Variants in PKP4 observed in about 807,000 individuals in gnomAD.
The protein encoded by PKP4 is plakophilin-4.
Under a neutral mutation model 145.1 loss-of-function variants are expected in PKP4, and 90 were observed. The ratio of observed to expected loss-of-function variants is 0.62; its 90% CI spans 0.52 to 0.74. PKP4 has a LOEUF of 0.74. Among genes scored for constraint, PKP4 ranks in the 30% least tolerant of loss-of-function variants. The pLI is 0.00. For missense variants in PKP4, 1,340 were observed against 1,482.7 expected (o/e 0.90, Z 1.58); for synonymous variants, 563 against 577.2 (o/e 0.98, Z 0.35).
At chr2:158,621,158 T>A (rs763088533) in intron 5 of PKP4, 37 bp downstream of exon 5, 1 of 1,613,756 alleles carries the variant, frequency 6.2e-7, no homozygotes, top group Non-Finnish European at 8.5e-7. Flanking sequence ...GGATTTGCTT[T>A]TAAGATTTTA....
intron 1 of PKP4, among the ~76,000 whole-genome samples, chr2:158,517,999 C>G (rs1256632779): frequency 6.6e-6 from 1 of 152,006 alleles, no homozygotes; most frequent in East Asian, 1.9e-4. Context: ...TTTCTGTATC[C>G]CCGTCATCTA....
chr2:158,547,531 C>G (rs554137639), intron 2 of PKP4, among the ~76,000 whole-genome samples: 1 of 152,268 alleles, frequency 6.6e-6, no homozygotes, highest in African/African-American at 2.4e-5. Context: ...TGCAAAGAAG[C>G]TAAGGCAATT....
In PKP4 at chr2:158,663,407, G is replaced by A. The variant is rs777874014; in HGVS notation, c.2539G>A (p.Ala847Thr). ...CAACCCAGCCACCTTGGAAGGCTCT[G>A]CAGGGTCTCTCCAGAACCTCTCTGC... is the stretch of plus-strand genomic sequence containing the variant. ...SSNPATLEGS[A>T]GSLQNLSAGN... The change falls in exon 15 of 22, where the codon GCA (alanine) becomes ACA (threonine). Residue 847 changes from alanine to threonine, a missense_variant. Transcript: ENST00000389759. The A allele has an allele frequency of 6.2e-7, 1 of 1,614,138 alleles. No individual in the cohort carries two copies. Among genetic ancestry groups the A allele is most frequent in the Non-Finnish European group, 8.5e-7 (1 of 1,180,010 alleles).
At chr2:158,485,123 C>A (rs979947964) in intron 1 of PKP4, among the ~76,000 whole-genome samples, 1 of 152,112 alleles carries the variant, frequency 6.6e-6, no homozygotes, top group East Asian at 1.9e-4. Context: ...CTTTTGTGGC[C>A]CACCCTTCTC....
Position 158,603,475 on chromosome 2 carries a change from C to T in PKP4, c.280+371C>T, listed in dbSNP as rs544759604. Among the ~76,000 whole-genome samples the T allele has an allele frequency of 3.9e-5, 6 of 151,944 alleles. No individual in the cohort carries two copies. The South Asian group carries it at 8.4e-4, about 21-fold the overall frequency. On this transcript the variant is annotated intron_variant, in intron 4 of 21. Coordinates refer to ENST00000389759, the MANE Select transcript of PKP4 (RefSeq NM_003628.6). ...GTGTTTATCATACTCAGAGAAAAGT[C>T]GCTTGAAGTTTTCATTTTTTTAATG...
chr2:158,583,201 C>T (rs777484909), intron 3 of PKP4, among the ~76,000 whole-genome samples: 1 of 152,148 alleles, frequency 6.6e-6, no homozygotes, highest in Non-Finnish European at 1.5e-5. Context: ...CCTGCAATAT[C>T]ATTGATGGGG....
chr2:158,656,897 G>A (rs1400243933), intron 11 of PKP4, among the ~76,000 whole-genome samples: 1 of 152,182 alleles, frequency 6.6e-6, no homozygotes, highest in Non-Finnish European at 1.5e-5. Context: ...CTGAGCAGGT[G>A]GTGTCCAGGC....
rs534843106 is a variant in PKP4 at position 158,672,577 on chromosome 2, C to T, written c.2925-1100C>T. Among the ~76,000 whole-genome samples, 5 of 152,296 alleles carry T rather than the reference C, an allele frequency of 3.3e-5. No homozygotes were observed. In the South Asian group the frequency reaches 1.0e-3, roughly 32 times the overall value. On this transcript the variant is annotated intron_variant, in intron 17 of 21. Transcript: ENST00000389759. Reference sequence around the variant, plus strand: ...GGCTATGTGGGGCAAGTGCCCTGCTCCCCCAAATCTGTCTTCCAGAGGCTG... The same window carrying T: ...GGCTATGTGGGGCAAGTGCCCTGCTTCCCCAAATCTGTCTTCCAGAGGCTG...
At chr2:158,640,786 T>A in intron 10 of PKP4, 27 bp downstream of exon 10, 1 of 1,613,136 alleles carries the variant, frequency 6.2e-7, no homozygotes, top group Non-Finnish European at 8.5e-7. Context: ...CTGGGATGAC[T>A]GGGGAAAATA....
chr2:158,673,909 T>C lies in PKP4; in HGVS notation c.3036T>C (p.Ile1012=). 6.2e-7 allele frequency: 1 copy of C among 1,612,320 alleles called. No individual in the cohort carries two copies. Among genetic ancestry groups the C allele is most frequent in the African/African-American group, 1.3e-5 (1 of 75,006 alleles). Residue 1012 remains isoleucine (I), a synonymous_variant, in exon 19 of 22, where the codon ATT becomes ATC. Coordinates refer to ENST00000389759, the MANE Select transcript of PKP4 (RefSeq NM_003628.6). ...KKDGWNQNHF[I]TPVSTLERDR... ...ATGGGTGGAATCAGAACCATTTTAT[T>C]ACACCTGTGTCGACATTGGAGCGAG...
chr2:158,615,290 T>C (rs1265570140), intron 4 of PKP4, among the ~76,000 whole-genome samples: 2 of 152,106 alleles, frequency 1.3e-5, no homozygotes, highest in Non-Finnish European at 1.5e-5. Context: ...AGCTGACTTT[T>C]TATATCACAA....
chr2:158,486,397 G>T lies in PKP4; in HGVS notation c.-6+29179G>T, dbSNP rs946184393. Among the ~76,000 whole-genome samples, 13 of 152,144 alleles carry T rather than the reference G, an allele frequency of 8.5e-5. 2 individuals are homozygous for T. The highest frequency in any genetic ancestry group is 6.5e-4 in the Admixed American group (10 of 15,270). Reference sequence around the variant, plus strand: ...TTTTCCACTGTATCAAATTTAATGGGTTTTGGGAAAACGTATAGTTTGGTA... The same window carrying T: ...TTTTCCACTGTATCAAATTTAATGGTTTTTGGGAAAACGTATAGTTTGGTA... On this transcript the variant is annotated intron_variant, in intron 1 of 21. Coordinates refer to ENST00000389759, the MANE Select transcript of PKP4 (RefSeq NM_003628.6).
chr2:158,580,344 G>C (rs1462670375), intron 3 of PKP4, among the ~76,000 whole-genome samples: 1 of 152,164 alleles, frequency 6.6e-6, no homozygotes, highest in Non-Finnish European at 1.5e-5. Context: ...CACCACCAGT[G>C]AATGTCGGGT....
In PKP4 at chr2:158,663,362, A is replaced by G. The variant is rs1400123709; in HGVS notation, c.2494A>G (p.Thr832Ala). ...CCCATCGGTGGTAAAACCATATCTG[A>G]CTCTTCTAGCAGAAAGTTCCAACCC... ...WHPSVVKPYL[T>A]LLAESSNPAT... Residue 832 changes from threonine (T) to alanine (A), a missense_variant, in exon 15 of 22, where the codon ACT becomes GCT. Thr to Ala is a moderately conservative substitution (Grantham distance 58, BLOSUM62 0). Transcript: ENST00000389759. The G allele has an allele frequency of 6.2e-7, 1 of 1,613,896 alleles. No individual in the cohort carries two copies. The highest frequency in any genetic ancestry group is 1.7e-5 in the Admixed American group (1 of 60,020).
intron 2 of PKP4, among the ~76,000 whole-genome samples, chr2:158,535,864 A>T (rs1020934624): frequency 6.6e-6 from 1 of 152,214 alleles, no homozygotes; most frequent in Non-Finnish European, 1.5e-5. Context: ...GACCCTATCA[A>T]TGCAACTGGG....
chr2:158,496,737 ACTCT>A (rs1001025736), intron 1 of PKP4, among the ~76,000 whole-genome samples: 2 of 121,266 alleles, frequency 1.6e-5, no homozygotes, highest in African/African-American at 6.1e-5. Context: ...TTTCGCTCTC[ACTCT>A]CTCTCGCCTT....
At position 158,625,116 on chromosome 2, in the gene PKP4, C is replaced by T; in HGVS notation, c.842C>T (p.Ser281Phe). The T allele has an allele frequency of 6.2e-7, 1 of 1,614,174 alleles. No individual in the cohort carries two copies. The highest frequency in any genetic ancestry group is 8.5e-7 in the Non-Finnish European group (1 of 1,180,032). The change falls in exon 7 of 22, where the codon TCC becomes TTC. Residue 281 changes from serine (S) to phenylalanine (F), a missense_variant. Transcript: ENST00000389759. ...AASPYSQRPA[S>F]PTAIRRIGSV... ...TCTCCGTACTCACAGAGACCCGCCT[C>T]CCCAACAGCTATACGGCGGATTGGG...
At chr2:158,501,704 A>G (rs1031596659) in intron 1 of PKP4, among the ~76,000 whole-genome samples, 1 of 152,228 alleles carries the variant, frequency 6.6e-6, no homozygotes, top group African/African-American at 2.4e-5. Flanking sequence ...GTGAGGGCAC[A>G]CCAAATTTCA....
chr2:158,619,770 A>G (rs577341028), intron 4 of PKP4, among the ~76,000 whole-genome samples: 41 of 152,316 alleles, frequency 2.7e-4, no homozygotes, highest in African/African-American at 7.2e-4. Context: ...GGATATAACA[A>G]ACCAGATAAA....
Sources: gnomAD v4.1 joint callset for allele counts (sites outside exome capture counted in the v4.1 genomes callset) on GRCh38, gnomAD v4.1.1 for gene constraint, MANE v1.5 for transcripts, NCBI Gene and HGNC (gene_info 2026-07-23, HGNC 2026-07-21) for gene names.